BZW2: variants seen among roughly 807,000 people sequenced by gnomAD.
BZW2 encodes eIF5-mimic protein 1.
A neutral mutation model predicts 53.2 loss-of-function variants in BZW2; 23 were observed. The observed-to-expected ratio is 0.43, with a 90% confidence interval of 0.31 to 0.61. BZW2 has a LOEUF of 0.61. BZW2 is among the 20% of genes least tolerant of loss of function. The pLI is 0.09. For missense variants in BZW2, 409 were observed against 503.1 expected (o/e 0.81, Z 1.79); for synonymous variants, 227 against 186.4 (o/e 1.22, Z -1.77).
chr7:16,692,018 G>A (rs1242214645), intron 7 of BZW2, among the ~76,000 whole-genome samples: 2 of 152,136 alleles, frequency 1.3e-5, no homozygotes, highest in Non-Finnish European at 2.9e-5. Context: ...CCTGATATTT[G>A]TTGAATCAAC....
chr7:16,677,821 A>C lies in BZW2; in HGVS notation c.235+3233A>C, dbSNP rs181524237. 3.7e-3 allele frequency among the ~76,000 whole-genome samples: 564 copies of C among 152,170 alleles called. 4 individuals are homozygous for C. Among genetic ancestry groups the C allele is most frequent in the Middle Eastern group, 0.017 (5 of 294 alleles). ...GGGCGTCTGGGTGCTATCAATGCCTAAGTGAAAGGTTTGGTGAAGGGTTTT... is the reference window on the plus strand; with the variant it reads ...GGGCGTCTGGGTGCTATCAATGCCTCAGTGAAAGGTTTGGTGAAGGGTTTT... On this transcript the variant is annotated intron_variant, in intron 3 of 11. Transcript: ENST00000258761.
At chr7:16,704,424 CTGA>C in intron 10 of BZW2, 120 bp from the exon 11 acceptor site, 2 of 1,080,964 alleles carry the variant, frequency 1.9e-6, no homozygotes, top group East Asian at 2.7e-5. Flanking sequence ...TTCCTCTCTT[CTGA>C]TAAGTAACAG....
intron 1 of BZW2, among the ~76,000 whole-genome samples, chr7:16,659,857 T>A (rs148324483): frequency 0.021 from 3,187 of 152,064 alleles, 93 homozygotes; most frequent in African/African-American, 0.071. Context: ...TTTTTATTTT[T>A]TTTTTTATTA....
intron 4 of BZW2, 53 bp downstream of exon 4, chr7:16,681,457 A>G (rs888466001): frequency 3.7e-5 from 54 of 1,442,242 alleles, no homozygotes; most frequent in Non-Finnish European, 4.6e-5. Context: ...GGAAAACTCT[A>G]TAGAAGCTCT....
At chr7:16,647,547 G>T (rs2128348706) in intron 1 of BZW2, among the ~76,000 whole-genome samples, 1 of 152,276 alleles carries the variant, frequency 6.6e-6, no homozygotes, top group South Asian at 2.1e-4. Flanking sequence ...ATTAAAGACT[G>T]GGACAGATCT....
chr7:16,679,600 A>T (rs962713606), intron 3 of BZW2, among the ~76,000 whole-genome samples: 2 of 152,260 alleles, frequency 1.3e-5, no homozygotes, highest in African/African-American at 4.8e-5. Flanking sequence ...CTGCTAAGAA[A>T]GGTGGCTATG....
At chr7:16,680,781 C>T (rs377156111) in intron 3 of BZW2, among the ~76,000 whole-genome samples, 8 of 151,886 alleles carry the variant, frequency 5.3e-5, no homozygotes, top group South Asian at 4.2e-4. Flanking sequence ...TGCACTCCAG[C>T]AATAGAGCGA....
chr7:16,697,235 G>A (rs758470478), intron 9 of BZW2, among the ~76,000 whole-genome samples, 174 bp downstream of exon 9: 10 of 152,124 alleles, frequency 6.6e-5, no homozygotes, highest in South Asian at 6.2e-4. Context: ...GACTACAGGC[G>A]CGTGCCACCA....
At chr7:16,688,680 G>A (rs1270091819) in intron 6 of BZW2, 1 of 152,066 alleles carries the variant, frequency 6.6e-6, no homozygotes, top group Non-Finnish European at 1.5e-5. Flanking sequence ...TCAGTTAAAT[G>A]TTTCAGTTAC....
At chr7:16,699,263 G>A (rs903875238) in intron 10 of BZW2, among the ~76,000 whole-genome samples, 1 of 152,196 alleles carries the variant, frequency 6.6e-6, no homozygotes, top group African/African-American at 2.4e-5. Flanking sequence ...CCAGACCTGA[G>A]TTGGGTCTTC....
At chr7:16,659,414 A>AT (rs1189857184) in intron 1 of BZW2, among the ~76,000 whole-genome samples, 8 of 152,200 alleles carry the variant, frequency 5.3e-5, no homozygotes, top group Non-Finnish European at 1.0e-4. Flanking sequence ...GTATAGTGTT[A>AT]TTATAGGCAT....
intron 7 of BZW2, among the ~76,000 whole-genome samples, chr7:16,693,591 G>A (rs141594725): frequency 3.3e-5 from 5 of 152,222 alleles, no homozygotes; most frequent in Admixed American, 6.5e-5. Flanking sequence ...TTGGTTTACC[G>A]TCTAGAAAAA....
At chr7:16,675,353 G>A (rs191579873) in intron 3 of BZW2, among the ~76,000 whole-genome samples, 16 of 152,276 alleles carry the variant, frequency 1.1e-4, no homozygotes, top group African/African-American at 2.9e-4. Flanking sequence ...AGACTTAAGC[G>A]GGGAGGGCAG....
intron 10 of BZW2, chr7:16,700,777 T>G (rs1367795607): frequency 6.6e-6 from 1 of 152,232 alleles, no homozygotes; most frequent in Non-Finnish European, 1.5e-5. Context: ...TAGTGTCTTC[T>G]CTGCTTCTTT....
chr7:16,679,813 A>G lies in BZW2; in HGVS notation c.236-1488A>G, dbSNP rs113420329. ...AACATTTGTTGTGTATATGAAAGAT[A>G]TTAATCTAACTACCCAAACCTTCTA... On this transcript the variant is annotated intron_variant, in intron 3 of 11. Coordinates refer to ENST00000258761, the MANE Select transcript of BZW2 (RefSeq NM_014038.3). Among the ~76,000 whole-genome samples, 266 of 152,354 alleles carry G rather than the reference A, an allele frequency of 1.7e-3. 1 individual carries two copies. Among genetic ancestry groups the G allele is most frequent in the African/African-American group, 6.0e-3 (251 of 41,572 alleles).
At chr7:16,693,734 C>T (rs186405980) in intron 7 of BZW2, among the ~76,000 whole-genome samples, 19 of 152,294 alleles carry the variant, frequency 1.2e-4, no homozygotes, top group Admixed American at 7.2e-4. Flanking sequence ...ATATCAGTGA[C>T]GCAGTTTCAG....
At chr7:16,697,117 G>C in intron 9 of BZW2, 56 bp downstream of exon 9, 1 of 1,509,540 alleles carries the variant, frequency 6.6e-7, no homozygotes, top group Non-Finnish European at 8.9e-7. Context: ...AGCTTTTTTT[G>C]TTTGTTTGTT....
intron 1 of BZW2, among the ~76,000 whole-genome samples, chr7:16,654,083 C>CAAAAAAAA (rs61590306): frequency 3.2e-4 from 26 of 82,530 alleles, no homozygotes; most frequent in Admixed American, 5.3e-4. Context: ...CCCATCTCTA[C>CAAAAAAAA]AAAAAAAAAA....
chr7:16,658,000 G>A (rs1047839152), intron 1 of BZW2, among the ~76,000 whole-genome samples: 3 of 152,166 alleles, frequency 2.0e-5, no homozygotes, highest in Admixed American at 1.3e-4. Flanking sequence ...GCTACAATGT[G>A]GGTAGTGTAT....
Sources: allele counts gnomAD v4.1 joint callset (sites outside exome capture counted in the v4.1 genomes callset), GRCh38; gene constraint gnomAD v4.1.1; transcripts MANE v1.5; gene names NCBI Gene and HGNC (gene_info 2026-07-23, HGNC 2026-07-21).